AGBL4: variants seen among roughly 807,000 people sequenced by gnomAD.
AGBL4 encodes the protein AGBL carboxypeptidase 4, also known as cytosolic carboxypeptidase 6.
Under a neutral mutation model 66.4 loss-of-function variants are expected in AGBL4, and 58 were observed. The ratio of observed to expected loss-of-function variants is 0.87; its 90% CI spans 0.71 to 1.09. AGBL4 has a LOEUF of 1.09. Among genes scored for constraint, AGBL4 ranks in the 50% least tolerant of loss-of-function variants. AGBL4 has a pLI of 0.00. For synonymous variants in AGBL4, 234 were observed against 222.9 expected (o/e 1.05, Z -0.44); for missense variants, 579 against 631.0 (o/e 0.92, Z 0.88).
intron 3 of AGBL4, among the ~76,000 whole-genome samples, chr1:49,439,342 C>T (rs1240635379): frequency 6.6e-6 from 1 of 152,182 alleles, no homozygotes; most frequent in African/African-American, 2.4e-5. Flanking sequence ...ACTGTTTAAT[C>T]ATGTCTCCTC....
intron 6 of AGBL4, among the ~76,000 whole-genome samples, chr1:48,683,494 C>G (rs961218413): frequency 5.9e-5 from 9 of 152,228 alleles, no homozygotes; most frequent in Non-Finnish European, 1.2e-4. Flanking sequence ...CTAGCTTCTA[C>G]CCGCCATCCA....
At chr1:48,973,120 C>T (rs1659046250) in intron 5 of AGBL4, among the ~76,000 whole-genome samples, 1 of 152,114 alleles carries the variant, frequency 6.6e-6, no homozygotes, top group South Asian at 2.1e-4. Context: ...TGCCCTCAAG[C>T]AAATTCTTTT....
intron 8 of AGBL4, among the ~76,000 whole-genome samples, chr1:48,640,991 C>T (rs551962815): frequency 4.6e-5 from 7 of 152,138 alleles, no homozygotes; most frequent in East Asian, 1.9e-4. Flanking sequence ...GGCAGCTTGG[C>T]GGCTCCAGAT....
At chr1:49,010,889 T>C (rs1461490945) in intron 5 of AGBL4, among the ~76,000 whole-genome samples, 1 of 151,360 alleles carries the variant, frequency 6.6e-6, no homozygotes, top group Non-Finnish European at 1.5e-5. Flanking sequence ...TCAAGATGGA[T>C]TAAAGACTTA....
intron 5 of AGBL4, among the ~76,000 whole-genome samples, chr1:48,964,293 G>A (rs1658243270): frequency 2.0e-5 from 3 of 152,170 alleles, no homozygotes; most frequent in African/African-American, 4.8e-5. Context: ...CCTGATCTCC[G>A]AGCAATATCC....
Position 49,170,735 on chromosome 1 carries a change from A to T in AGBL4, c.377+75035T>A, listed in dbSNP as rs372336003. ...AACATTTAAAACTTATCCTTGGATA[A>T]ATATAACAATATTAAACCTTAAATA... On this transcript the variant is annotated intron_variant, in intron 4 of 13. Transcript: ENST00000371839. Among the ~76,000 whole-genome samples, 52 of 151,826 alleles carry T rather than the reference A, an allele frequency of 3.4e-4. 1 individual carries two copies. The South Asian group carries it at 9.6e-3, about 28-fold the overall frequency.
chr1:49,749,304 T>C (rs948818525), intron 2 of AGBL4, among the ~76,000 whole-genome samples: 1 of 152,164 alleles, frequency 6.6e-6, no homozygotes, highest in Non-Finnish European at 1.5e-5. Flanking sequence ...TTGTCAAAGA[T>C]CAGATGGTTG....
At chr1:49,258,091 G>A (rs1333700868) in intron 3 of AGBL4, among the ~76,000 whole-genome samples, 3 of 152,186 alleles carry the variant, frequency 2.0e-5, no homozygotes, top group East Asian at 1.9e-4. Context: ...CTGCAGCTGA[G>A]GATCCTGTCT....
At chr1:49,522,449 A>G (rs1442128746) in intron 3 of AGBL4, among the ~76,000 whole-genome samples, 2 of 151,906 alleles carry the variant, frequency 1.3e-5, no homozygotes, top group African/African-American at 4.8e-5. Context: ...TTTTTCCTAC[A>G]CCTGTTTATT....
At chr1:49,897,311 G>A (rs1018899315) in intron 1 of AGBL4, among the ~76,000 whole-genome samples, 1 of 151,904 alleles carries the variant, frequency 6.6e-6, no homozygotes, top group African/African-American at 2.4e-5. Flanking sequence ...TATGCCAACT[G>A]TGAACAATGT....
At chr1:49,806,403 T>C (rs1302180066) in intron 2 of AGBL4, among the ~76,000 whole-genome samples, 1 of 152,218 alleles carries the variant, frequency 6.6e-6, no homozygotes, top group African/African-American at 2.4e-5. Context: ...AAGGTAGAAC[T>C]TGTGAATACT....
intron 5 of AGBL4, among the ~76,000 whole-genome samples, chr1:48,907,297 C>T (rs1344503227): frequency 6.6e-6 from 1 of 152,124 alleles, no homozygotes; most frequent in Admixed American, 6.5e-5. Flanking sequence ...CCTCTGTTTT[C>T]TCATCTAGAA....
At chr1:49,808,158 C>T (rs995443463) in intron 2 of AGBL4, among the ~76,000 whole-genome samples, 1 of 152,146 alleles carries the variant, frequency 6.6e-6, no homozygotes, top group African/African-American at 2.4e-5. Flanking sequence ...TGGAAAGAAA[C>T]AGTAAAGGGC....
chr1:49,978,859 A>T (rs1214103338), intron 1 of AGBL4, among the ~76,000 whole-genome samples: 1 of 152,196 alleles, frequency 6.6e-6, no homozygotes, highest in Non-Finnish European at 1.5e-5. Context: ...CTGAATTTTT[A>T]ATAAAACACA....
chr1:49,946,625 CA>C (rs1655233333), intron 1 of AGBL4, among the ~76,000 whole-genome samples: 1 of 151,722 alleles, frequency 6.6e-6, no homozygotes, highest in Admixed American at 6.6e-5. Flanking sequence ...CCCTAACAGA[CA>C]AAGATCAGAC....
intron 9 of AGBL4, among the ~76,000 whole-genome samples, chr1:48,626,019 A>G (rs1399684976): frequency 6.6e-6 from 1 of 152,188 alleles, no homozygotes; most frequent in African/African-American, 2.4e-5. Context: ...AAAGCACCCT[A>G]TGTTCTCAGA....
At chr1:49,761,862 A>G (rs1304435920) in intron 2 of AGBL4, among the ~76,000 whole-genome samples, 1 of 151,724 alleles carries the variant, frequency 6.6e-6, no homozygotes, top group Non-Finnish European at 1.5e-5. Context: ...CCCTTCTCTC[A>G]CCCTTTCCCA....
chr1:49,729,047 C>T (rs545870101), intron 2 of AGBL4, among the ~76,000 whole-genome samples: 6 of 152,108 alleles, frequency 3.9e-5, no homozygotes, highest in East Asian at 3.9e-4. Flanking sequence ...AATCATGAAC[C>T]GGGGAGGGCA....
chr1:48,534,158 C>T lies in AGBL4; in HGVS notation c.*15G>A. ...ATGCTCCTGTCCCCATAAGACCTCC[C>T]AGGACTCCGTGTCTTTAAAAAGGGG... On this transcript the variant is annotated 3_prime_UTR_variant, in exon 14 of 14. Transcript: ENST00000371839. 1 of 1,551,446 alleles carries T rather than the reference C, an allele frequency of 6.4e-7. No homozygotes were observed. The highest frequency in any genetic ancestry group is 8.7e-7 in the Non-Finnish European group (1 of 1,146,826).
Sources: allele counts gnomAD v4.1 joint callset (sites outside exome capture counted in the v4.1 genomes callset), GRCh38; gene constraint gnomAD v4.1.1; transcripts MANE v1.5; gene names NCBI Gene and HGNC (gene_info 2026-07-23, HGNC 2026-07-21).